TRAP1: variants seen among roughly 807,000 people sequenced by gnomAD.
TRAP1 encodes the protein heat shock protein 75 kDa, mitochondrial.
In TRAP1, 102 loss-of-function variants were observed where a neutral mutation model predicts 89.1. That is an observed-to-expected ratio of 1.15 (90% CI 0.98 to 1.35). The LOEUF (loss-of-function observed/expected upper bound fraction) is 1.35, where lower values mean the gene tolerates loss of function less well. Ranked by LOEUF, TRAP1 falls within the 40% of genes most tolerant of loss-of-function variation. The pLI is 0.00. For missense variants in TRAP1, 1,256 were observed against 945.3 expected (o/e 1.33, Z -4.31); for synonymous variants, 508 against 388.0 (o/e 1.31, Z -3.64).
At position 3,666,256 on chromosome 16, in the gene TRAP1, A is replaced by G. The variant is rs2050827489; in HGVS notation, c.1236-138T>C. On this transcript the variant is annotated intron_variant, in intron 11 of 17. Transcript: ENST00000246957. ...AAGGTACCGTTATTGGCCAAACTGA[A>G]AAAGACTGAGCAGAAAGACAGAAAC... 15 of 1,137,482 alleles carry G rather than the reference A, an allele frequency of 1.3e-5. No individual in the cohort carries two copies. In the South Asian group the frequency reaches 2.3e-4, roughly 17 times the overall value. The allele number at this position is 1,137,482 out of a possible 1,614,324, so 70.5% of individuals were successfully genotyped here.
At chr16:3,699,543 T>C (rs1156282820) in intron 1 of TRAP1, among the ~76,000 whole-genome samples, 1 of 149,430 alleles carries the variant, frequency 6.7e-6, no homozygotes, top group Non-Finnish European at 1.5e-5. Flanking sequence ...GGAGAATCAC[T>C]TGAACCCACG....
chr16:3,681,489 A>T (rs1456830299), intron 4 of TRAP1, among the ~76,000 whole-genome samples: 1 of 152,204 alleles, frequency 6.6e-6, no homozygotes, highest in Non-Finnish European at 1.5e-5. Flanking sequence ...TGCATGTTTC[A>T]CGGGCCCCAG....
At chr16:3,712,283 CTCAAAAA>C (rs2051541558) in intron 1 of TRAP1, among the ~76,000 whole-genome samples, 1 of 27,258 alleles carries the variant, frequency 3.7e-5, no homozygotes. Flanking sequence ...AAGAATCTGT[CTCAAAAA>C]AAAAAAAAAA....
At chr16:3,691,602 C>T (rs901521771) in intron 1 of TRAP1, among the ~76,000 whole-genome samples, 4 of 152,038 alleles carry the variant, frequency 2.6e-5, no homozygotes, top group African/African-American at 9.7e-5. Context: ...AAACCTGTCT[C>T]GACCCTCGCA....
intron 1 of TRAP1, among the ~76,000 whole-genome samples, chr16:3,711,982 T>G (rs1248345976): frequency 6.6e-6 from 1 of 152,154 alleles, no homozygotes; most frequent in South Asian, 2.1e-4. Flanking sequence ...TGGATACATT[T>G]TCAATCGCTA....
Position 3,658,817 on chromosome 16 carries a change from G to A in TRAP1, c.1989C>T (p.Gly663=). ...CCTGATCCACCAGCAGCTGAGCCAG[G>A]CCAGGCTCGCTTGCGCGCAGCTGAT... ...KLNQLRASEP[G]LAQLLVDQIY... The change falls in exon 17 of 18, where the codon GGC becomes GGT. Residue 663 remains glycine (G), a synonymous_variant. Transcript: ENST00000246957. 6.2e-7 allele frequency: 1 copy of A among 1,613,714 alleles called. No homozygotes were observed.
At chr16:3,666,220 G>A in intron 11 of TRAP1, 102 bp from the exon 12 acceptor site, 2 of 1,409,688 alleles carry the variant, frequency 1.4e-6, no homozygotes, top group East Asian at 2.4e-5. Context: ...AATCAAAGAA[G>A]TGAAAACAAC....
At chr16:3,700,735 G>A (rs1484244571) in intron 1 of TRAP1, among the ~76,000 whole-genome samples, 1 of 152,106 alleles carries the variant, frequency 6.6e-6, no homozygotes, top group African/African-American at 2.4e-5. Context: ...CAAAGTGGTG[G>A]GATTACAGAA....
intron 1 of TRAP1, among the ~76,000 whole-genome samples, chr16:3,716,096 G>T (rs549366825): frequency 3.4e-4 from 52 of 152,218 alleles, no homozygotes; most frequent in Middle Eastern, 3.4e-3. Flanking sequence ...CTCCTGATCT[G>T]CCCACCTCAG....
At chr16:3,663,739 G>C (rs2050750322) in intron 13 of TRAP1, 177 bp from the exon 14 acceptor site, 1 of 714,944 alleles carries the variant, frequency 1.4e-6, no homozygotes, top group South Asian at 1.9e-5. Context: ...TCTAAGGAAG[G>C]CTCTGACTGC....
At position 3,683,169 on chromosome 16, in the gene TRAP1, C is replaced by A. The variant is rs1425506179; in HGVS notation, c.471+2827G>T. On this transcript the variant is annotated intron_variant, in intron 4 of 17. Transcript: ENST00000246957. ...GGGCAACAAGAGCAAAACCCCATTT[C>A]AAAAAAAAAAATCTTCCCGGTCATC... is the stretch of plus-strand genomic sequence containing the variant. Among the ~76,000 whole-genome samples the A allele has an allele frequency of 1.3e-4, 18 of 143,336 alleles. No individual in the cohort carries two copies. In the East Asian group the frequency reaches 2.1e-3, roughly 16 times the overall value. 94.0% of individuals were successfully genotyped at this position (143,336 alleles called of 152,430 possible).
intron 1 of TRAP1, among the ~76,000 whole-genome samples, chr16:3,708,498 G>A (rs962452037): frequency 2.6e-5 from 4 of 151,888 alleles, no homozygotes; most frequent in Admixed American, 1.3e-4. Flanking sequence ...TTAGCCGGGC[G>A]TGGTGACGGG....
chr16:3,662,068 TGGC>T lies in TRAP1; in HGVS notation c.1856_1858del (p.Arg619del). On this transcript the variant is annotated inframe_deletion, in exon 16 of 18. Transcript: ENST00000246957. ...GGCCAGCTGCTGCATGCGCAGGAAGTGGCGGGCAGCCCCCATCTCCAGCACGGT... is the reference window on the plus strand; with the variant it reads ...GGCCAGCTGCTGCATGCGCAGGAAGTGGGCAGCCCCCATCTCCAGCACGGT... 6.2e-7 allele frequency: 1 copy of T among 1,613,264 alleles called. No individual in the cohort carries two copies. Among genetic ancestry groups the T allele is most frequent in the Non-Finnish European group, 8.5e-7 (1 of 1,179,896 alleles).
intron 1 of TRAP1, among the ~76,000 whole-genome samples, chr16:3,714,618 C>T (rs1275015932): frequency 6.6e-6 from 1 of 152,112 alleles, no homozygotes; most frequent in Non-Finnish European, 1.5e-5. Context: ...GAGGTTGCAC[C>T]ACTGCACTCC....
At chr16:3,687,092 C>T (rs891026338) in intron 3 of TRAP1, 1 of 152,190 alleles carries the variant, frequency 6.6e-6, no homozygotes, top group African/African-American at 2.4e-5. Context: ...CCACGAAAAT[C>T]TCACCTTGAA....
intron 9 of TRAP1, 76 bp downstream of exon 9, chr16:3,674,263 G>A: frequency 6.4e-7 from 1 of 1,557,184 alleles, no homozygotes; most frequent in Non-Finnish European, 8.8e-7. Flanking sequence ...TGTTAATCAT[G>A]TGACATCTGC....
At chr16:3,687,689 G>C (rs1303960457) in intron 3 of TRAP1, among the ~76,000 whole-genome samples, 1 of 152,004 alleles carries the variant, frequency 6.6e-6, no homozygotes, top group Non-Finnish European at 1.5e-5. Flanking sequence ...TTCAAGACCA[G>C]CCTGGGCAAC....
chr16:3,715,119 G>A (rs147541190), intron 1 of TRAP1, among the ~76,000 whole-genome samples: 5 of 152,326 alleles, frequency 3.3e-5, no homozygotes, highest in East Asian at 1.9e-4. Flanking sequence ...GATGGAGGAC[G>A]AGAGGAGAGA....
At chr16:3,695,105 G>C (rs762344838) in intron 1 of TRAP1, among the ~76,000 whole-genome samples, 3 of 152,130 alleles carry the variant, frequency 2.0e-5, no homozygotes, top group African/African-American at 4.8e-5. Flanking sequence ...AGTCATACTG[G>C]ATTAGGGCCC....
Sources: allele counts gnomAD v4.1 joint callset (sites outside exome capture counted in the v4.1 genomes callset), GRCh38; gene constraint gnomAD v4.1.1; transcripts MANE v1.5; gene names NCBI Gene and HGNC (gene_info 2026-07-23, HGNC 2026-07-21).